FERMT2: variants seen among roughly 807,000 people sequenced by gnomAD.
FERMT2 encodes FERM domain containing kindlin 2, also known as fermitin family homolog 2.
A neutral mutation model predicts 82.7 loss-of-function variants in FERMT2; 15 were observed. The observed-to-expected ratio is 0.18, with a 90% CI of 0.12 to 0.28. The LOEUF is 0.28. Ranked by LOEUF, FERMT2 falls within the 10% of genes least tolerant of loss-of-function variation. FERMT2 has a pLI of 1.00. For missense variants in FERMT2, 645 were observed against 809.4 expected, an observed-to-expected ratio of 0.80 and a Z score of 2.46; for synonymous variants, 274 against 271.5, an observed-to-expected ratio of 1.01 and a Z score of -0.09.
At chr14:52,928,639 C>CT (rs1174776158) in intron 2 of FERMT2, among the ~76,000 whole-genome samples, 1 of 152,218 alleles carries the variant, frequency 6.6e-6, no homozygotes, top group Non-Finnish European at 1.5e-5. Context: ...CTGCCCAAGA[C>CT]ACCCTTGGGG....
At chr14:52,922,167 T>C (rs1888991263) in intron 2 of FERMT2, among the ~76,000 whole-genome samples, 2 of 152,156 alleles carry the variant, frequency 1.3e-5, no homozygotes, top group African/African-American at 2.4e-5. Flanking sequence ...CTCACTGCTG[T>C]GAGCACCTGC....
intron 5 of FERMT2, 50 bp from the exon 6 acceptor site, chr14:52,881,188 A>G: frequency 6.3e-7 from 1 of 1,594,668 alleles, no homozygotes. Flanking sequence ...TGAAGACAAT[A>G]TTTCTACCTC....
At chr14:52,945,582 A>T (rs151066452) in intron 2 of FERMT2, among the ~76,000 whole-genome samples, 150 of 152,132 alleles carry the variant, frequency 9.9e-4, no homozygotes, top group African/African-American at 3.5e-3. Context: ...AAGCAACTTC[A>T]TATGTTTCTT....
At chr14:52,859,820 C>CTTTTTT (rs1318328371) in intron 13 of FERMT2, 106 bp from the exon 14 acceptor site, 2 of 435,320 alleles carry the variant, frequency 4.6e-6, no homozygotes, top group Non-Finnish European at 7.5e-6. Flanking sequence ...GAGTACTATT[C>CTTTTTT]TTTTTTTTTT....
chr14:52,873,932 A>G (rs996393741), intron 9 of FERMT2, among the ~76,000 whole-genome samples: 1 of 151,754 alleles, frequency 6.6e-6, no homozygotes, highest in African/African-American at 2.4e-5. Flanking sequence ...GTATGATGCA[A>G]TCTAGGTTTC....
intron 3 of FERMT2, among the ~76,000 whole-genome samples, chr14:52,904,696 A>G (rs1887886684): frequency 6.6e-6 from 1 of 151,492 alleles, no homozygotes; most frequent in South Asian, 2.1e-4. Flanking sequence ...CTTTCAAAAA[A>G]AAGAAACAAA....
chr14:52,921,502 A>G (rs1469137159), intron 2 of FERMT2, among the ~76,000 whole-genome samples: 1 of 152,216 alleles, frequency 6.6e-6, no homozygotes. Context: ...GAATTTGCCA[A>G]CTAACTTTTG....
rs113058307 is a variant in FERMT2 at position 52,881,570 on chromosome 14, G to A, written c.527-101C>T. On this transcript the variant is annotated intron_variant, in intron 4 of 14. Transcript: ENST00000341590. ...ATATAAAGCACATTGTGAAACAAAAGTTTTATTCTGAAAGGAAAGCTTAGT... is the reference window on the plus strand; with the variant it reads ...ATATAAAGCACATTGTGAAACAAAAATTTTATTCTGAAAGGAAAGCTTAGT... 3,345 of 988,736 alleles carry A rather than the reference G, an allele frequency of 3.4e-3. 67 individuals carry two copies. The African/African-American group carries it at 0.047, about 14-fold the overall frequency. 61.2% of individuals were successfully genotyped at this position (988,736 alleles called of 1,614,324 possible).
chr14:52,907,777 A>G (rs1421162366), intron 3 of FERMT2, among the ~76,000 whole-genome samples: 1 of 144,434 alleles, frequency 6.9e-6, no homozygotes, highest in Non-Finnish European at 1.5e-5. Flanking sequence ...ACCCCCCACC[A>G]AAAAAAAAAC....
rs114945257 is a variant in FERMT2 at position 52,944,871 on chromosome 14, C to T, written c.157+5541G>A. On this transcript the variant is annotated intron_variant, in intron 2 of 14. Coordinates refer to ENST00000341590, the MANE Select transcript of FERMT2 (RefSeq NM_006832.3). The stretch of plus-strand genomic sequence containing the variant: ...AAAGCAAGGACTTCTTTCTAAAGGC[C>T]ACGTTCAGAAATATAATCCTCAGAT... 9.2e-3 allele frequency among the ~76,000 whole-genome samples: 1,401 copies of T among 151,986 alleles called. 21 individuals are homozygous for T. Among genetic ancestry groups the T allele is most frequent in the African/African-American group, 0.032 (1,317 of 41,456 alleles).
chr14:52,883,496 G>C (rs1207389217), intron 4 of FERMT2, among the ~76,000 whole-genome samples: 1 of 152,158 alleles, frequency 6.6e-6, no homozygotes, highest in Non-Finnish European at 1.5e-5. Flanking sequence ...TTCTTTCAAA[G>C]ATCTATTAAA....
chr14:52,860,969 T>G (rs1453549973), intron 12 of FERMT2: 1 of 1,425,436 alleles, frequency 7.0e-7, no homozygotes, highest in Admixed American at 2.3e-5. Flanking sequence ...TGGCTATGAA[T>G]TTTTATTTAT....
At chr14:52,921,675 C>A (rs560307035) in intron 2 of FERMT2, among the ~76,000 whole-genome samples, 3 of 151,936 alleles carry the variant, frequency 2.0e-5, no homozygotes, top group Non-Finnish European at 2.9e-5. Context: ...ACTGAATGAT[C>A]GGTAGGTAGT....
intron 8 of FERMT2, 25 bp downstream of exon 8, chr14:52,875,198 A>C (rs991578256): frequency 1.3e-6 from 2 of 1,586,214 alleles, no homozygotes; most frequent in Non-Finnish European, 1.7e-6. Flanking sequence ...CTAAATTAGT[A>C]GGTAAAAAAA....
chr14:52,943,720 G>C (rs911192588), intron 2 of FERMT2, among the ~76,000 whole-genome samples: 1 of 152,158 alleles, frequency 6.6e-6, no homozygotes, highest in African/African-American at 2.4e-5. Flanking sequence ...ATGTTTGTGT[G>C]TATAGAAAAT....
rs138988521 is a variant in FERMT2 at position 52,950,472 on chromosome 14, G to A, written c.97C>T (p.Leu33=). ...HVTDLNRDVT[L]RVTGEVHIGG... is the part of the protein sequence containing the mutation. ...ATGTGCACCTCGCCGGTCACTCTCA[G>A]GGTGACATCGCGGTTCAGGTCCGTC... is the stretch of plus-strand genomic sequence containing the variant. Residue 33 remains leucine, a synonymous_variant, in exon 2 of 15, where the codon CTG becomes TTG. Transcript: ENST00000341590. The A allele has an allele frequency of 2.0e-5, 33 of 1,614,132 alleles. No homozygotes were observed. In the African/African-American group the frequency reaches 3.9e-4, roughly 19 times the overall value.
intron 2 of FERMT2, among the ~76,000 whole-genome samples, chr14:52,925,882 GATCCAAC>G (rs1889238217): frequency 2.0e-5 from 3 of 152,134 alleles, no homozygotes; most frequent in Non-Finnish European, 2.9e-5. Flanking sequence ...GACCTCAAGT[GATCCAAC>G]CCCCTTGGCC....
At chr14:52,910,661 AAGAAAG>A (rs1888263844) in intron 3 of FERMT2, among the ~76,000 whole-genome samples, 1 of 152,222 alleles carries the variant, frequency 6.6e-6, no homozygotes, top group Non-Finnish European at 1.5e-5. Context: ...TAAATTATAA[AAGAAAG>A]ATAATTTTTA....
intron 9 of FERMT2, among the ~76,000 whole-genome samples, chr14:52,873,963 T>TC (rs1885798798): frequency 1.3e-5 from 2 of 152,080 alleles, no homozygotes; most frequent in Admixed American, 6.6e-5. Flanking sequence ...TTTTTTTTTT[T>TC]TAAAGAAAAA....
Sources: gnomAD v4.1 joint callset for allele counts (sites outside exome capture counted in the v4.1 genomes callset) on GRCh38, gnomAD v4.1.1 for gene constraint, MANE v1.5 for transcripts, NCBI Gene and HGNC (gene_info 2026-07-23, HGNC 2026-07-21) for gene names.